Variants in MARCHF1 observed in about 807,000 individuals in gnomAD.
MARCHF1 encodes the protein E3 ubiquitin-protein ligase MARCHF1.
A neutral mutation model predicts 54.2 loss-of-function variants in MARCHF1; 40 were observed. The ratio of observed to expected loss-of-function variants is 0.74; its 90% confidence interval spans 0.57 to 0.96. The LOEUF is 0.96. Among genes scored for constraint, MARCHF1 ranks in the 40% least tolerant of loss-of-function variants. The pLI, the probability that MARCHF1 is intolerant of heterozygous loss-of-function variation, is 0.00. For synonymous variants in MARCHF1, 236 were observed against 236.3 expected (o/e 1.00, Z 0.01); for missense variants, 586 against 656.5 (o/e 0.89, Z 1.17).
At chr4:164,014,033 C>A (rs752619147) in intron 2 of MARCHF1, among the ~76,000 whole-genome samples, 16 of 149,596 alleles carry the variant, frequency 1.1e-4, no homozygotes, top group Non-Finnish European at 1.9e-4. Context: ...CTAAAAATAC[C>A]AAAAAAAAAT....
chr4:163,802,544 G>C (rs1748110937), intron 4 of MARCHF1, among the ~76,000 whole-genome samples: 1 of 152,080 alleles, frequency 6.6e-6, no homozygotes, highest in Non-Finnish European at 1.5e-5. Flanking sequence ...AGCTTTTGCT[G>C]TAACTGCAGT....
chr4:163,737,017 C>G (rs986002533), intron 4 of MARCHF1, among the ~76,000 whole-genome samples: 2 of 152,072 alleles, frequency 1.3e-5, no homozygotes, highest in Admixed American at 1.3e-4. Flanking sequence ...ATTGATGGAG[C>G]AAAGCCAGAA....
At chr4:164,176,960 CTCT>C (rs1560940393) in intron 1 of MARCHF1, among the ~76,000 whole-genome samples, 2 of 47,846 alleles carry the variant, frequency 4.2e-5, no homozygotes, top group Non-Finnish European at 7.6e-5. Context: ...CTCTCTCTCT[CTCT>C]CTCTCTCTCT....
chr4:164,162,093 T>C (rs1730254804), intron 1 of MARCHF1, among the ~76,000 whole-genome samples: 1 of 152,154 alleles, frequency 6.6e-6, no homozygotes, highest in South Asian at 2.1e-4. Flanking sequence ...AGACTTCAGA[T>C]ACAACTGCTA....
chr4:163,668,065 T>C (rs1743603869), intron 5 of MARCHF1, among the ~76,000 whole-genome samples: 1 of 152,174 alleles, frequency 6.6e-6, no homozygotes, highest in African/African-American at 2.4e-5. Context: ...AGAAACAATA[T>C]TGGCACTTAG....
At chr4:164,349,157 A>G (rs1730204025) in intron 1 of MARCHF1, among the ~76,000 whole-genome samples, 1 of 152,160 alleles carries the variant, frequency 6.6e-6, no homozygotes, top group Admixed American at 6.6e-5. Context: ...CAGTTACCAA[A>G]ATAGATCTGC....
intron 1 of MARCHF1, among the ~76,000 whole-genome samples, chr4:164,259,439 G>T (rs925163445): frequency 6.6e-6 from 1 of 151,234 alleles, no homozygotes; most frequent in Non-Finnish European, 1.5e-5. Context: ...AGCTATCCAG[G>T]AGGCTGAGGC....
intron 2 of MARCHF1, chr4:164,055,154 C>T (rs910725630): frequency 2.6e-5 from 4 of 152,118 alleles, no homozygotes; most frequent in African/African-American, 2.4e-5. Context: ...AAAGAAATTA[C>T]CGATGGGGAC....
intron 1 of MARCHF1, among the ~76,000 whole-genome samples, chr4:164,375,026 T>C (rs1170367275): frequency 1.3e-5 from 2 of 152,144 alleles, no homozygotes; most frequent in Non-Finnish European, 2.9e-5. Context: ...GAAATATAGC[T>C]CTAAGTGGAA....
intron 4 of MARCHF1, among the ~76,000 whole-genome samples, chr4:163,742,041 A>T (rs1746210569): frequency 6.6e-6 from 1 of 152,200 alleles, no homozygotes; most frequent in African/African-American, 2.4e-5. Context: ...AGAATAAAGT[A>T]GTACAGTAGC....
intron 1 of MARCHF1, among the ~76,000 whole-genome samples, chr4:164,200,564 G>A (rs573626483): frequency 5.9e-5 from 9 of 152,190 alleles, no homozygotes; most frequent in African/African-American, 2.2e-4. Context: ...CAGATCAAAT[G>A]TTTGCAAACT....
At chr4:163,783,251 T>C (rs1747520605) in intron 4 of MARCHF1, among the ~76,000 whole-genome samples, 1 of 152,164 alleles carries the variant, frequency 6.6e-6, no homozygotes, top group Non-Finnish European at 1.5e-5. Context: ...ACTTCAAATA[T>C]CACAAAGCCT....
At chr4:164,256,432 TA>T (rs11345775) in intron 1 of MARCHF1, among the ~76,000 whole-genome samples, 66,746 of 121,698 alleles carry the variant, frequency 0.55, 17,540 homozygotes, top group Non-Finnish European at 0.65. Flanking sequence ...ACAAGAAGCT[TA>T]AAAAAAAAAA....
intron 4 of MARCHF1, among the ~76,000 whole-genome samples, chr4:163,718,233 A>G (rs1745326617): frequency 6.6e-6 from 1 of 152,242 alleles, no homozygotes; most frequent in Non-Finnish European, 1.5e-5. Flanking sequence ...CATTCAGGAC[A>G]TAGGCGTGGG....
chr4:163,637,794 G>A (rs1310750629), intron 5 of MARCHF1, among the ~76,000 whole-genome samples: 29 of 152,062 alleles, frequency 1.9e-4, no homozygotes, highest in African/African-American at 2.9e-4. Context: ...ACATGCACAC[G>A]TATGTTTATT....
intron 1 of MARCHF1, among the ~76,000 whole-genome samples, chr4:164,213,793 T>G (rs1218501411): frequency 3.3e-5 from 5 of 152,016 alleles, no homozygotes; most frequent in African/African-American, 1.2e-4. Context: ...TTTAAATATA[T>G]AAATGAACAA....
intron 3 of MARCHF1, among the ~76,000 whole-genome samples, chr4:163,856,865 A>G (rs757395048): frequency 6.6e-6 from 1 of 152,022 alleles, no homozygotes; most frequent in Non-Finnish European, 1.5e-5. Flanking sequence ...ACAAAAAATT[A>G]GCCGGGCGTG....
intron 4 of MARCHF1, among the ~76,000 whole-genome samples, chr4:163,769,841 T>C (rs1383665798): frequency 6.6e-6 from 1 of 152,158 alleles, no homozygotes; most frequent in African/African-American, 2.4e-5. Flanking sequence ...AGTGAATGTG[T>C]ATACAATTGA....
intron 2 of MARCHF1, among the ~76,000 whole-genome samples, chr4:164,043,547 C>T (rs1053481669): frequency 1.3e-5 from 2 of 152,072 alleles, no homozygotes; most frequent in African/African-American, 4.8e-5. Flanking sequence ...TCCTAGGCCT[C>T]TAAATCTGTG....
Sources: gnomAD v4.1 joint callset for allele counts (sites outside exome capture counted in the v4.1 genomes callset) on GRCh38, gnomAD v4.1.1 for gene constraint, MANE v1.5 for transcripts, NCBI Gene and HGNC (gene_info 2026-07-23, HGNC 2026-07-21) for gene names.